Variants in AGBL1 observed in about 807,000 individuals in gnomAD.
AGBL1 encodes AGBL carboxypeptidase 1, also known as cytosolic carboxypeptidase 4.
AGBL1 carries 130 observed loss-of-function variants against 118.9 expected under a neutral mutation model. The observed-to-expected ratio is 1.09, with a 90% CI of 0.95 to 1.26. AGBL1 has a LOEUF of 1.26. Among genes scored for constraint, AGBL1 ranks in the 50% most tolerant of loss-of-function variants. The probability of loss-of-function intolerance (pLI) is 0.00; values close to 1 mark genes in which losing one functional copy is unlikely to be tolerated. For missense variants in AGBL1, 1,584 were observed against 1,298.1 expected, an observed-to-expected ratio of 1.22 and a Z score of -3.38; for synonymous variants, 555 against 478.9, an observed-to-expected ratio of 1.16 and a Z score of -2.08.
At chr15:86,432,834 A>G (rs1158938729) in intron 18 of AGBL1, among the ~76,000 whole-genome samples, 1 of 152,042 alleles carries the variant, frequency 6.6e-6, no homozygotes. Flanking sequence ...CTTTGAGAAC[A>G]ATGAGGAGCA....
intron 21 of AGBL1, among the ~76,000 whole-genome samples, chr15:86,591,264 C>A (rs766315368): frequency 9.9e-5 from 15 of 152,200 alleles, no homozygotes; most frequent in South Asian, 2.1e-4. Flanking sequence ...TGCAATACTT[C>A]TGTGATTACA....
At chr15:86,217,331 G>T (rs752732698) in intron 5 of AGBL1, among the ~76,000 whole-genome samples, 2 of 152,140 alleles carry the variant, frequency 1.3e-5, no homozygotes, top group African/African-American at 4.8e-5. Context: ...TTAGACCAGT[G>T]CCTAGCTTTT....
chr15:86,547,192 T>C (rs761780288), intron 20 of AGBL1, among the ~76,000 whole-genome samples: 3 of 152,152 alleles, frequency 2.0e-5, no homozygotes, highest in Non-Finnish European at 2.9e-5. Context: ...CATAAGAAGC[T>C]TAATAACTTA....
At position 86,879,451 on chromosome 15, in the gene AGBL1, G is replaced by T. The variant is rs533444343; in HGVS notation, c.3159-27636G>T. Among the ~76,000 whole-genome samples, 8 of 152,146 alleles carry T rather than the reference G, an allele frequency of 5.3e-5. No individual in the cohort carries two copies. The South Asian group carries it at 1.0e-3, about 20-fold the overall frequency. ...TTGGCTCCAGAAATGGTGTCATCTG[G>T]GGCTTGGCCTGAGTCCAGGTTGCTC... is the stretch of plus-strand genomic sequence containing the variant. On this transcript the variant is annotated intron_variant, in intron 22 of 22. Transcript: ENST00000614907.
chr15:86,865,326 A>T (rs2079610987), intron 22 of AGBL1, among the ~76,000 whole-genome samples: 1 of 152,250 alleles, frequency 6.6e-6, no homozygotes, highest in African/African-American at 2.4e-5. Context: ...CACAAGTGTG[A>T]AAACTGCAAC....
At chr15:86,106,091 A>G (rs1425607520) in intron 1 of AGBL1, among the ~76,000 whole-genome samples, 1 of 152,248 alleles carries the variant, frequency 6.6e-6, no homozygotes, top group Non-Finnish European at 1.5e-5. Flanking sequence ...ATGTGCAAGT[A>G]AATGTGTGTT....
intron 1 of AGBL1, among the ~76,000 whole-genome samples, chr15:86,095,402 A>G (rs1896296323): frequency 6.6e-6 from 1 of 152,078 alleles, no homozygotes; most frequent in South Asian, 2.1e-4. Context: ...GTCCATCCTG[A>G]ATCTGTCTAG....
intron 3 of AGBL1, among the ~76,000 whole-genome samples, chr15:86,153,112 A>C (rs1005110428): frequency 1.3e-5 from 2 of 152,232 alleles, no homozygotes; most frequent in African/African-American, 4.8e-5. Flanking sequence ...GTGACTCCTC[A>C]AGGATCTAGA....
intron 22 of AGBL1, among the ~76,000 whole-genome samples, chr15:86,724,621 G>A (rs1026400766): frequency 6.6e-6 from 1 of 152,136 alleles, no homozygotes; most frequent in African/African-American, 2.4e-5. Context: ...AGCATAAAAT[G>A]TTGCTATAAT....
intron 17 of AGBL1, among the ~76,000 whole-genome samples, chr15:86,348,914 A>C (rs1357223747): frequency 6.6e-6 from 1 of 152,294 alleles, no homozygotes; most frequent in East Asian, 1.9e-4. Flanking sequence ...GTTGAGGAAG[A>C]GGTCTCTGTA....
intron 23 of AGBL1, among the ~76,000 whole-genome samples, chr15:86,922,876 G>A (rs923481346): frequency 6.6e-6 from 1 of 152,194 alleles, no homozygotes; most frequent in Non-Finnish European, 1.5e-5. Flanking sequence ...TTTAGATAAC[G>A]GGACTGGTTT....
chr15:86,322,152 C>T (rs1014862802), intron 17 of AGBL1, among the ~76,000 whole-genome samples: 15 of 149,936 alleles, frequency 1.0e-4, no homozygotes, highest in Admixed American at 2.7e-4. Flanking sequence ...TCTGTATAGC[C>T]GATTTAGGTG....
At chr15:86,083,170 C>T (rs769452885) in intron 1 of AGBL1, among the ~76,000 whole-genome samples, 47 of 151,930 alleles carry the variant, frequency 3.1e-4, no homozygotes, top group Non-Finnish European at 6.0e-4. Flanking sequence ...TGGCTTTTTT[C>T]CTGGGTGGAC....
At chr15:86,715,299 T>C (rs958215867) in intron 22 of AGBL1, among the ~76,000 whole-genome samples, 1 of 152,226 alleles carries the variant, frequency 6.6e-6, no homozygotes, top group African/African-American at 2.4e-5. Flanking sequence ...TGGCAAATTA[T>C]CCTTATCACC....
intron 24 of AGBL1, among the ~76,000 whole-genome samples, chr15:87,001,748 T>A (rs949912678): frequency 2.0e-5 from 3 of 152,132 alleles, no homozygotes; most frequent in Non-Finnish European, 4.4e-5. Flanking sequence ...AAGCATTTTT[T>A]CATGTGTCTG....
At chr15:86,603,605 T>C (rs1668215726) in intron 21 of AGBL1, among the ~76,000 whole-genome samples, 1 of 152,090 alleles carries the variant, frequency 6.6e-6, no homozygotes. Flanking sequence ...AAAGAAATCT[T>C]TGTTTTCAGA....
chr15:86,828,220 G>A (rs1399903749), intron 22 of AGBL1, among the ~76,000 whole-genome samples: 1 of 151,812 alleles, frequency 6.6e-6, no homozygotes, highest in Non-Finnish European at 1.5e-5. Context: ...TGAGATTACA[G>A]CCATGAGCCA....
intron 18 of AGBL1, among the ~76,000 whole-genome samples, chr15:86,488,718 A>C (rs777248204): frequency 2.6e-5 from 4 of 151,880 alleles, no homozygotes; most frequent in Non-Finnish European, 5.9e-5. Flanking sequence ...CCTTGCTTCA[A>C]ACAGCTCCTA....
chr15:86,750,719 C>T (rs565724506), intron 22 of AGBL1, among the ~76,000 whole-genome samples: 45 of 152,000 alleles, frequency 3.0e-4, no homozygotes, highest in African/African-American at 1.1e-3. Context: ...ATTTGTTGTA[C>T]AGATTATTTA....
Sources: gnomAD v4.1 joint callset for allele counts (sites outside exome capture counted in the v4.1 genomes callset) on GRCh38, gnomAD v4.1.1 for gene constraint, MANE v1.5 for transcripts, NCBI Gene and HGNC (gene_info 2026-07-23, HGNC 2026-07-21) for gene names.